WDR72: variants seen among roughly 807,000 people sequenced by gnomAD.
The protein encoded by WDR72 is WD repeat-containing protein 72.
WDR72 carries 120 observed loss-of-function variants against 124.2 expected under a neutral mutation model. The observed-to-expected ratio is 0.97, with a 90% CI of 0.83 to 1.12. The LOEUF (loss-of-function observed/expected upper bound fraction) is 1.12, where lower values mean the gene tolerates loss of function less well. Ranked by LOEUF, WDR72 falls within the 50% of genes most tolerant of loss-of-function variation. The pLI is 0.00. For missense variants in WDR72, 1,387 were observed against 1,278.8 expected (o/e 1.08, Z -1.29); for synonymous variants, 452 against 441.7 (o/e 1.02, Z -0.29).
At chr15:53,637,629 T>C (rs2014673469) in intron 14 of WDR72, among the ~76,000 whole-genome samples, 1 of 152,174 alleles carries the variant, frequency 6.6e-6, no homozygotes, top group South Asian at 2.1e-4. Context: ...ACTGATGCCC[T>C]GCATGTTTAA....
At chr15:53,746,662 GCAAAGATGAATTAC>G (rs1016784133) in intron 1 of WDR72, among the ~76,000 whole-genome samples, 16 of 152,196 alleles carry the variant, frequency 1.1e-4, no homozygotes, top group African/African-American at 3.9e-4. Context: ...ACTGTGAGGG[GCAAAGATGAATTAC>G]TTAAAGATTT....
At chr15:53,591,685 AACACACACACACACACACACAC>A (rs67873847) in intron 18 of WDR72, among the ~76,000 whole-genome samples, 42 of 149,020 alleles carry the variant, frequency 2.8e-4, no homozygotes, top group African/African-American at 5.7e-4. Context: ...CAACACACAC[AACACACACACACACACACACAC>A]ACACACACAC....
At chr15:53,708,602 T>C (rs1567041310) in intron 9 of WDR72, among the ~76,000 whole-genome samples, 1 of 152,222 alleles carries the variant, frequency 6.6e-6, no homozygotes, top group Non-Finnish European at 1.5e-5. Context: ...AGTTTCAACA[T>C]GGGATCTTGG....
chr15:53,663,448 T>C (rs1339968259), intron 14 of WDR72, among the ~76,000 whole-genome samples: 1 of 152,142 alleles, frequency 6.6e-6, no homozygotes, highest in Non-Finnish European at 1.5e-5. Context: ...TCATTGCTTC[T>C]TGAAGTCAAG....
chr15:53,739,096 C>T (rs1229382956), intron 1 of WDR72, among the ~76,000 whole-genome samples: 1 of 152,118 alleles, frequency 6.6e-6, no homozygotes, highest in African/African-American at 2.4e-5. Flanking sequence ...GACAAACCTA[C>T]ATAAATTCTC....
intron 18 of WDR72, among the ~76,000 whole-genome samples, chr15:53,565,750 G>A (rs1045803892): frequency 7.2e-6 from 1 of 138,862 alleles, no homozygotes; most frequent in South Asian, 2.5e-4. Flanking sequence ...TTTCAAACAT[G>A]TGCACATACG....
intron 1 of WDR72, among the ~76,000 whole-genome samples, chr15:53,736,889 T>G: frequency 6.6e-6 from 1 of 152,070 alleles, no homozygotes; most frequent in East Asian, 1.9e-4. Context: ...ATCAGATTTC[T>G]TACTGTTAGA....
chr15:53,738,662 T>C (rs1409205984), intron 1 of WDR72, among the ~76,000 whole-genome samples: 1 of 152,210 alleles, frequency 6.6e-6, no homozygotes, highest in Non-Finnish European at 1.5e-5. Context: ...AATGGCGTGA[T>C]CTCGGCTCAC....
chr15:53,599,748 A>G (rs2012955692), intron 17 of WDR72, among the ~76,000 whole-genome samples: 1 of 151,988 alleles, frequency 6.6e-6, no homozygotes, highest in Non-Finnish European at 1.5e-5. Context: ...CCCACTGAAT[A>G]TAATATCCTA....
At chr15:53,650,492 G>C (rs1322309873) in intron 14 of WDR72, among the ~76,000 whole-genome samples, 8 of 152,076 alleles carry the variant, frequency 5.3e-5, no homozygotes, top group Admixed American at 5.2e-4. Context: ...TTCTTCAGGG[G>C]TACAAGTCAT....
chr15:53,741,217 T>C (rs766466307), intron 1 of WDR72, among the ~76,000 whole-genome samples: 3 of 152,228 alleles, frequency 2.0e-5, no homozygotes, highest in Non-Finnish European at 2.9e-5. Flanking sequence ...AATGTTATTG[T>C]ATTGTTAAAA....
intron 14 of WDR72, among the ~76,000 whole-genome samples, chr15:53,640,282 C>T (rs113856868): frequency 5.8e-4 from 88 of 152,254 alleles, no homozygotes; most frequent in African/African-American, 1.9e-3. Context: ...CAAAAGTCAA[C>T]TTGTTCTATA....
intron 18 of WDR72, among the ~76,000 whole-genome samples, chr15:53,581,363 A>C (rs1331293332): frequency 6.6e-6 from 1 of 152,136 alleles, no homozygotes; most frequent in Non-Finnish European, 1.5e-5. Context: ...AAATCTCATA[A>C]TTCATCAAAA....
At chr15:53,574,928 C>T (rs982156338) in intron 18 of WDR72, among the ~76,000 whole-genome samples, 1 of 151,350 alleles carries the variant, frequency 6.6e-6, no homozygotes, top group Non-Finnish European at 1.5e-5. Flanking sequence ...CGTACCAAGC[C>T]CTCACTTCCA....
intron 18 of WDR72, among the ~76,000 whole-genome samples, chr15:53,594,422 T>A (rs2012664330): frequency 6.6e-6 from 1 of 151,966 alleles, no homozygotes; most frequent in South Asian, 2.1e-4. Flanking sequence ...CAAAATGACA[T>A]ATGTTGCAAT....
chr15:53,652,949 G>A (rs1427235975), intron 14 of WDR72, among the ~76,000 whole-genome samples: 2 of 152,076 alleles, frequency 1.3e-5, no homozygotes, highest in South Asian at 2.1e-4. Flanking sequence ...TGAGACTGGT[G>A]TCTAAATATC....
At chr15:53,636,189 T>A (rs61611399) in intron 14 of WDR72, among the ~76,000 whole-genome samples, 10,376 of 152,162 alleles carry the variant, frequency 0.068, 1,159 homozygotes, top group African/African-American at 0.24. Context: ...AAAGGTAAAT[T>A]TTTTTCTATG....
At chr15:53,600,067 T>G (rs887770779) in intron 17 of WDR72, among the ~76,000 whole-genome samples, 1 of 152,104 alleles carries the variant, frequency 6.6e-6, no homozygotes. Flanking sequence ...TTAAACTCAG[T>G]GTGAGATGAG....
Position 53,532,320 on chromosome 15 carries a change from T to C in WDR72, c.3149-8998A>G, listed in dbSNP as rs187995085. Among the ~76,000 whole-genome samples, 353 of 152,220 alleles carry C rather than the reference T, an allele frequency of 2.3e-3. 3 individuals are homozygous for C. The highest frequency in any genetic ancestry group is 8.2e-3 in the African/African-American group (342 of 41,560). On this transcript the variant is annotated intron_variant, in intron 18 of 19. Coordinates refer to ENST00000360509, the MANE Select transcript of WDR72 (RefSeq NM_182758.4). The stretch of plus-strand genomic sequence containing the variant: ...ATGTCCAAAACAAAGGAAATCAGTA[T>C]GTCAAAGGGATATCTGTATTCCCAT...
Sources: allele counts gnomAD v4.1 joint callset (sites outside exome capture counted in the v4.1 genomes callset), GRCh38; gene constraint gnomAD v4.1.1; transcripts MANE v1.5; gene names NCBI Gene and HGNC (gene_info 2026-07-23, HGNC 2026-07-21).